Variants in TMEM181 observed in about 807,000 individuals in gnomAD.
TMEM181 encodes the protein G protein-coupled receptor 178.
In TMEM181, 39 loss-of-function variants were observed where a neutral mutation model predicts 71.9. The ratio of observed to expected loss-of-function variants is 0.54; its 90% CI spans 0.42 to 0.71. TMEM181 has a LOEUF of 0.71. Ranked by LOEUF, TMEM181 falls within the 30% of genes least tolerant of loss-of-function variation. The pLI is 0.00. For synonymous variants in TMEM181, 245 were observed against 228.8 expected (o/e 1.07, Z -0.64); for missense variants, 595 against 583.0 (o/e 1.02, Z -0.21).
At chr6:158,575,921 A>G (rs1473575197) in intron 2 of TMEM181, among the ~76,000 whole-genome samples, 1 of 152,220 alleles carries the variant, frequency 6.6e-6, no homozygotes, top group Non-Finnish European at 1.5e-5. Context: ...TACGTTTTGG[A>G]ACAAATCTAG....
At chr6:158,617,790 G>A (rs956536131) in intron 10 of TMEM181, among the ~76,000 whole-genome samples, 4 of 152,222 alleles carry the variant, frequency 2.6e-5, no homozygotes, top group Admixed American at 1.3e-4. Flanking sequence ...GTGAGGTTTT[G>A]AGTGAGTTTC....
At chr6:158,600,494 G>A (rs1392612047) in intron 6 of TMEM181, among the ~76,000 whole-genome samples, 1 of 92,320 alleles carries the variant, frequency 1.1e-5, no homozygotes, top group Non-Finnish European at 2.1e-5. Flanking sequence ...TTTGGAGATG[G>A]AATCTTGCTC....
chr6:158,538,279 C>A (rs1781206079), intron 1 of TMEM181, among the ~76,000 whole-genome samples: 1 of 151,934 alleles, frequency 6.6e-6, no homozygotes, highest in African/African-American at 2.4e-5. Context: ...CTACCTCAGC[C>A]TCCTGAGTAG....
intron 10 of TMEM181, among the ~76,000 whole-genome samples, chr6:158,621,920 C>T (rs1205696396): frequency 1.3e-5 from 2 of 152,238 alleles, no homozygotes; most frequent in African/African-American, 4.8e-5. Flanking sequence ...AAGGTCCACA[C>T]ATGGCTGCTG....
intron 2 of TMEM181, among the ~76,000 whole-genome samples, chr6:158,574,284 C>G (rs1016397977): frequency 6.6e-6 from 1 of 152,192 alleles, no homozygotes; most frequent in African/African-American, 2.4e-5. Flanking sequence ...TTACCCAAAA[C>G]TGGGTTGGTA....
chr6:158,594,894 C>T (rs557858085), intron 6 of TMEM181, among the ~76,000 whole-genome samples: 3 of 152,300 alleles, frequency 2.0e-5, no homozygotes, highest in Admixed American at 6.5e-5. Flanking sequence ...CACCATGTTG[C>T]CAGGCTGGTC....
chr6:158,564,313 C>T (rs1381539872), intron 1 of TMEM181, among the ~76,000 whole-genome samples: 1 of 152,186 alleles, frequency 6.6e-6, no homozygotes, highest in Non-Finnish European at 1.5e-5. Context: ...GTTCCAGTCC[C>T]ACCTCCACAC....
chr6:158,590,432 G>A (rs540268195), intron 6 of TMEM181, among the ~76,000 whole-genome samples: 13 of 151,754 alleles, frequency 8.6e-5, no homozygotes, highest in Middle Eastern at 6.9e-3. Context: ...TAATGAAAGC[G>A]TACGTTCAGT....
At chr6:158,599,651 A>C (rs1024671721) in intron 6 of TMEM181, among the ~76,000 whole-genome samples, 1 of 152,124 alleles carries the variant, frequency 6.6e-6, no homozygotes, top group Non-Finnish European at 1.5e-5. Flanking sequence ...GGACGGAACG[A>C]CCTCTACTTG....
intron 7 of TMEM181, among the ~76,000 whole-genome samples, chr6:158,605,849 AC>A (rs1203429652): frequency 7.8e-6 from 1 of 128,046 alleles, no homozygotes; most frequent in African/African-American, 3.3e-5. Flanking sequence ...GGAAATGCTT[AC>A]CCTGAGAAGC....
At position 158,634,372 on chromosome 6, in the gene TMEM181, G is replaced by A. The variant is rs190350171; in HGVS notation, c.*2484G>A. ...AACTTTTGACAGTAGCAAGAAAATTGTTGAAGAAAAAATAAATTATTTACT... is the reference window on the plus strand; with the variant it reads ...AACTTTTGACAGTAGCAAGAAAATTATTGAAGAAAAAATAAATTATTTACT... On this transcript the variant is annotated 3_prime_UTR_variant, in exon 17 of 17. Coordinates refer to ENST00000684151, the MANE Select transcript of TMEM181 (RefSeq NM_001376852.1). 4.8e-4 allele frequency: 73 copies of A among 152,264 alleles called. No individual in the cohort carries two copies. Among genetic ancestry groups the A allele is most frequent in the Middle Eastern group, 3.4e-3 (1 of 294 alleles). 9.4% of individuals were successfully genotyped at this position (152,264 alleles called of 1,614,324 possible). A position where few individuals can be genotyped will look rare whatever the true frequency, so the allele number is the denominator to read the frequency against.
intron 10 of TMEM181, among the ~76,000 whole-genome samples, chr6:158,618,706 A>G (rs1205508715): frequency 6.6e-6 from 1 of 152,238 alleles, no homozygotes; most frequent in African/African-American, 2.4e-5. Flanking sequence ...AAAATCTCTC[A>G]GCATTTGCTG....
intron 11 of TMEM181, among the ~76,000 whole-genome samples, chr6:158,624,339 G>C (rs534800974): frequency 0.13 from 20,311 of 152,218 alleles, 1,497 homozygotes; most frequent in Middle Eastern, 0.2. Context: ...GTGCTTTTGA[G>C]AAAAATGATC....
intron 1 of TMEM181, among the ~76,000 whole-genome samples, chr6:158,567,755 G>A (rs549576962): frequency 6.6e-6 from 1 of 152,304 alleles, no homozygotes; most frequent in Admixed American, 6.5e-5. Context: ...GGCAAGTAAT[G>A]GAACCTTCCT....
chr6:158,571,643 G>A (rs974193926), intron 1 of TMEM181, among the ~76,000 whole-genome samples: 11 of 152,242 alleles, frequency 7.2e-5, no homozygotes, highest in African/African-American at 2.2e-4. Context: ...CTTAAACTAA[G>A]GAATAGACTT....
At chr6:158,625,599 C>A in intron 12 of TMEM181, 104 bp from the exon 13 acceptor site, 1 of 1,021,636 alleles carries the variant, frequency 9.8e-7, no homozygotes, top group Non-Finnish European at 1.4e-6. Context: ...GAGGGAGGAG[C>A]ATTTGTCCAA....
chr6:158,547,019 C>T (rs561781431), intron 1 of TMEM181, among the ~76,000 whole-genome samples: 29 of 152,108 alleles, frequency 1.9e-4, no homozygotes, highest in African/African-American at 6.5e-4. Flanking sequence ...CAGTGGCACA[C>T]GCCTGTAATC....
intron 6 of TMEM181, among the ~76,000 whole-genome samples, chr6:158,601,471 CAG>C (rs766335341): frequency 4.0e-5 from 6 of 151,802 alleles, no homozygotes; most frequent in Non-Finnish European, 5.9e-5. Flanking sequence ...CGCTTGAACC[CAG>C]GAGAGGGCCA....
chr6:158,557,794 C>T (rs1781958595), upstream of TMEM181, among the ~76,000 whole-genome samples: 2 of 152,166 alleles, frequency 1.3e-5, no homozygotes, highest in South Asian at 2.1e-4. Flanking sequence ...GGATTATAGG[C>T]GTGAGCCACC....
Sources: gnomAD v4.1 joint callset for allele counts (sites outside exome capture counted in the v4.1 genomes callset) on GRCh38, gnomAD v4.1.1 for gene constraint, MANE v1.5 for transcripts, NCBI Gene and HGNC (gene_info 2026-07-23, HGNC 2026-07-21) for gene names.